EPHA5: variants seen among roughly 807,000 people sequenced by gnomAD.
EPHA5 encodes EPH receptor A5, also known as ephrin type-A receptor 5.
In EPHA5, 60 loss-of-function variants were observed where a neutral mutation model predicts 105.0. The ratio of observed to expected loss-of-function variants is 0.57; its 90% CI spans 0.46 to 0.71. The LOEUF is 0.71. Among genes scored for constraint, EPHA5 ranks in the 30% least tolerant of loss-of-function variants. The probability of loss-of-function intolerance (pLI) is 0.00; values close to 1 mark genes in which losing one functional copy is unlikely to be tolerated. For missense variants in EPHA5, 1,218 were observed against 1,274.7 expected (o/e 0.96, Z 0.68); for synonymous variants, 513 against 449.1 (o/e 1.14, Z -1.80).
intron 8 of EPHA5, among the ~76,000 whole-genome samples, chr4:65,373,149 C>G (rs935308636): frequency 1.3e-5 from 2 of 151,852 alleles, no homozygotes; most frequent in African/African-American, 2.4e-5. Flanking sequence ...ATTTCTCAAT[C>G]TGAGGAGGCC....
chr4:65,611,551 T>G (rs538701946), intron 2 of EPHA5, among the ~76,000 whole-genome samples: 1 of 146,980 alleles, frequency 6.8e-6, no homozygotes, highest in African/African-American at 2.5e-5. Context: ...AAGGTTTCAG[T>G]AAACCATGTG....
intron 5 of EPHA5, among the ~76,000 whole-genome samples, chr4:65,430,682 G>A (rs1724888568): frequency 6.6e-6 from 1 of 152,000 alleles, no homozygotes; most frequent in African/African-American, 2.4e-5. Context: ...ACCAGGAATT[G>A]GCAGACCTTA....
intron 1 of EPHA5, among the ~76,000 whole-genome samples, chr4:65,656,761 C>A (rs1259746696): frequency 6.6e-6 from 1 of 151,042 alleles, no homozygotes; most frequent in Admixed American, 6.6e-5. Flanking sequence ...ACTACAGGTG[C>A]ACGCCACCAT....
chr4:65,489,177 G>A (rs1327659264), intron 5 of EPHA5, among the ~76,000 whole-genome samples: 2 of 151,996 alleles, frequency 1.3e-5, no homozygotes, highest in Admixed American at 6.6e-5. Flanking sequence ...GATTACGGGC[G>A]TGAGCCACCG....
At chr4:65,370,736 G>C (rs540648462) in intron 8 of EPHA5, among the ~76,000 whole-genome samples, 1 of 152,098 alleles carries the variant, frequency 6.6e-6, no homozygotes, top group Non-Finnish European at 1.5e-5. Context: ...GCATTACCTA[G>C]GGTGAGAGTC....
At chr4:65,395,946 A>T (rs1009489274) in intron 8 of EPHA5, among the ~76,000 whole-genome samples, 7 of 152,234 alleles carry the variant, frequency 4.6e-5, no homozygotes, top group African/African-American at 1.7e-4. Context: ...TGGAGCCAGC[A>T]GAAGATGTCA....
chr4:65,514,723 A>C (rs1733936427), intron 3 of EPHA5, among the ~76,000 whole-genome samples: 1 of 152,206 alleles, frequency 6.6e-6, no homozygotes, highest in South Asian at 2.1e-4. Context: ...TTTCTCCCTA[A>C]AATGCTCGTC....
chr4:65,610,575 A>C (rs1560770433), intron 2 of EPHA5, among the ~76,000 whole-genome samples: 1 of 152,124 alleles, frequency 6.6e-6, no homozygotes, highest in Non-Finnish European at 1.5e-5. Context: ...ATAAAATGGG[A>C]TATTTTTCCT....
chr4:65,552,959 T>C (rs1346875595), intron 3 of EPHA5, among the ~76,000 whole-genome samples: 1 of 152,088 alleles, frequency 6.6e-6, no homozygotes, highest in Non-Finnish European at 1.5e-5. Flanking sequence ...ATGGACTGCT[T>C]AGTTGCTGGG....
At chr4:65,515,257 G>T (rs79401690) in intron 3 of EPHA5, among the ~76,000 whole-genome samples, 1 of 151,840 alleles carries the variant, frequency 6.6e-6, no homozygotes, top group African/African-American at 2.4e-5. Context: ...TTGTATTCAG[G>T]TAGTAGAAAT....
intron 3 of EPHA5, among the ~76,000 whole-genome samples, chr4:65,552,871 A>T (rs775246360): frequency 6.6e-6 from 1 of 152,114 alleles, no homozygotes; most frequent in African/African-American, 2.4e-5. Context: ...TTTTTTTAGT[A>T]AATAAGCAAT....
intron 1 of EPHA5, among the ~76,000 whole-genome samples, chr4:65,653,105 C>T (rs1748753297): frequency 1.3e-5 from 2 of 151,906 alleles, no homozygotes; most frequent in South Asian, 4.2e-4. Context: ...TGAATTATAC[C>T]AAACTTAAAA....
chr4:65,544,446 C>T (rs528450297), intron 3 of EPHA5, among the ~76,000 whole-genome samples: 43 of 151,904 alleles, frequency 2.8e-4, no homozygotes, highest in African/African-American at 9.4e-4. Context: ...CAAAAGAAGA[C>T]ATTTATGTGG....
At chr4:65,504,231 C>A (rs1314117805) in intron 3 of EPHA5, among the ~76,000 whole-genome samples, 1 of 150,852 alleles carries the variant, frequency 6.6e-6, no homozygotes. Flanking sequence ...TTTAGTATTC[C>A]AAAAATGGCA....
chr4:65,498,617 C>T (rs1275729949), intron 3 of EPHA5, among the ~76,000 whole-genome samples: 4 of 151,740 alleles, frequency 2.6e-5, no homozygotes, highest in Non-Finnish European at 5.9e-5. Context: ...AACTAGGTTT[C>T]ATGATGTATT....
chr4:65,325,906 C>A (rs1720028059), intron 16 of EPHA5, among the ~76,000 whole-genome samples: 2 of 150,904 alleles, frequency 1.3e-5, no homozygotes, highest in African/African-American at 2.4e-5. Context: ...ATACCAGAAG[C>A]ACTGCAGCAC....
chr4:65,375,479 C>T (rs749755764), intron 8 of EPHA5, among the ~76,000 whole-genome samples: 1 of 151,742 alleles, frequency 6.6e-6, no homozygotes, highest in Non-Finnish European at 1.5e-5. Context: ...TATAAACCAC[C>T]TGAAGCCAAA....
chr4:65,669,525 C>A (rs764839084), intron 1 of EPHA5, 37 bp downstream of exon 1: 1 of 1,346,168 alleles, frequency 7.4e-7, no homozygotes, highest in Non-Finnish European at 9.6e-7. Context: ...AGCCCCTCCG[C>A]CCCAGGTCGC....
chr4:65,373,550 G>C (rs28445328), intron 8 of EPHA5, among the ~76,000 whole-genome samples: 8,318 of 151,928 alleles, frequency 0.055, 425 homozygotes, highest in African/African-American at 0.13. Flanking sequence ...TAGGATAATA[G>C]TTAATGTTTC....
Sources: gnomAD v4.1 joint callset for allele counts (sites outside exome capture counted in the v4.1 genomes callset) on GRCh38, gnomAD v4.1.1 for gene constraint, MANE v1.5 for transcripts, NCBI Gene and HGNC (gene_info 2026-07-23, HGNC 2026-07-21) for gene names.